HS6ST3: variants seen among roughly 807,000 people sequenced by gnomAD.
HS6ST3 encodes heparan sulfate 6-O-sulfotransferase 3, also known as heparan-sulfate 6-O-sulfotransferase 3.
A neutral mutation model predicts 36.7 loss-of-function variants in HS6ST3; 12 were observed. That is an observed-to-expected ratio of 0.33 (90% CI 0.21 to 0.53). The LOEUF (loss-of-function observed/expected upper bound fraction) is 0.53. HS6ST3 is among the 20% of genes least tolerant of loss of function. The pLI, the probability that HS6ST3 is intolerant of heterozygous loss-of-function variation, is 0.95. For missense variants in HS6ST3, 584 were observed against 640.9 expected, an observed-to-expected ratio of 0.91 and a Z score of 0.96; for synonymous variants, 240 against 257.5, an observed-to-expected ratio of 0.93 and a Z score of 0.65.
At chr13:96,660,906 G>C (rs942067487) in intron 1 of HS6ST3, among the ~76,000 whole-genome samples, 8 of 152,244 alleles carry the variant, frequency 5.3e-5, no homozygotes, top group Non-Finnish European at 8.8e-5. Context: ...GCTAGAACAA[G>C]CAGGTAGAAG....
chr13:96,806,923 G>C (rs1031670578), intron 1 of HS6ST3, among the ~76,000 whole-genome samples: 1 of 151,962 alleles, frequency 6.6e-6, no homozygotes, highest in Non-Finnish European at 1.5e-5. Flanking sequence ...CTCTTTTATG[G>C]CCTTCCCCCC....
intron 1 of HS6ST3, among the ~76,000 whole-genome samples, chr13:96,132,551 G>A (rs1031836106): frequency 2.6e-5 from 4 of 151,974 alleles, no homozygotes; most frequent in Admixed American, 2.0e-4. Flanking sequence ...GACCACAGGC[G>A]TATGCCACTA....
intron 1 of HS6ST3, among the ~76,000 whole-genome samples, chr13:96,592,659 A>C (rs1398928133): frequency 6.6e-6 from 1 of 152,120 alleles, no homozygotes; most frequent in Non-Finnish European, 1.5e-5. Flanking sequence ...TGATCTGGGA[A>C]AGTATTTCTC....
chr13:96,746,498 G>C (rs1276601239), intron 1 of HS6ST3, among the ~76,000 whole-genome samples: 1 of 152,082 alleles, frequency 6.6e-6, no homozygotes, highest in African/African-American at 2.4e-5. Context: ...AGATTAGCTA[G>C]TTCAATGCTT....
chr13:96,759,838 T>C (rs1271154387), intron 1 of HS6ST3, among the ~76,000 whole-genome samples: 1 of 152,026 alleles, frequency 6.6e-6, no homozygotes, highest in Non-Finnish European at 1.5e-5. Flanking sequence ...TTACCAACCA[T>C]GGATGTGAAG....
chr13:96,751,059 A>T (rs1876688262), intron 1 of HS6ST3, among the ~76,000 whole-genome samples: 1 of 152,092 alleles, frequency 6.6e-6, no homozygotes, highest in African/African-American at 2.4e-5. Context: ...AGAGAATCAC[A>T]CTTTTTTTTA....
intron 1 of HS6ST3, among the ~76,000 whole-genome samples, chr13:96,768,340 G>T (rs1877172677): frequency 6.6e-6 from 1 of 152,136 alleles, no homozygotes; most frequent in Non-Finnish European, 1.5e-5. Flanking sequence ...TCAGCTAGTT[G>T]ACCGTGCAGA....
At chr13:96,563,316 A>G (rs1022929266) in intron 1 of HS6ST3, among the ~76,000 whole-genome samples, 4 of 152,182 alleles carry the variant, frequency 2.6e-5, no homozygotes, top group African/African-American at 7.2e-5. Context: ...TAAACTTAAA[A>G]AGAAATCAAA....
chr13:96,820,474 G>GT (rs1224477992), intron 1 of HS6ST3, among the ~76,000 whole-genome samples: 14 of 152,222 alleles, frequency 9.2e-5, no homozygotes, highest in African/African-American at 3.1e-4. Flanking sequence ...GAACGTTGAA[G>GT]TGCGGAGTGT....
At chr13:96,218,026 C>T (rs2054435844) in intron 1 of HS6ST3, among the ~76,000 whole-genome samples, 1 of 151,898 alleles carries the variant, frequency 6.6e-6, no homozygotes, top group Non-Finnish European at 1.5e-5. Flanking sequence ...GAGTCCAGGT[C>T]CCAATAAGAA....
At chr13:96,765,295 A>G (rs1298362630) in intron 1 of HS6ST3, among the ~76,000 whole-genome samples, 1 of 151,634 alleles carries the variant, frequency 6.6e-6, no homozygotes, top group Non-Finnish European at 1.5e-5. Flanking sequence ...GGTGGTCTCG[A>G]TCTCCTGACC....
chr13:96,478,580 TC>T (rs2055875349), intron 1 of HS6ST3, among the ~76,000 whole-genome samples: 2 of 152,216 alleles, frequency 1.3e-5, no homozygotes, highest in South Asian at 4.1e-4. Flanking sequence ...TCCAGGTGTT[TC>T]CATTGCTGCC....
At chr13:96,423,293 A>G (rs141809642) in intron 1 of HS6ST3, among the ~76,000 whole-genome samples, 1 of 152,148 alleles carries the variant, frequency 6.6e-6, no homozygotes, top group Non-Finnish European at 1.5e-5. Context: ...GAGAATTCCC[A>G]TGATGTGCCT....
chr13:96,700,337 C>T lies in HS6ST3; in HGVS notation c.708-132153C>T, dbSNP rs952911300. ...TGAGACTTATTCACTACCACGAGAA[C>T]AGCATGGGGGAAACCGCCCCCATGA... On this transcript the variant is annotated intron_variant, in intron 1 of 1. Coordinates refer to ENST00000376705, the MANE Select transcript of HS6ST3 (RefSeq NM_153456.4). 2.0e-5 allele frequency among the ~76,000 whole-genome samples: 3 copies of T among 152,190 alleles called. 1 individual carries two copies. The South Asian group carries it at 6.2e-4, about 32-fold the overall frequency.
intron 1 of HS6ST3, among the ~76,000 whole-genome samples, chr13:96,351,396 A>G (rs1442837530): frequency 6.7e-6 from 1 of 149,710 alleles, no homozygotes; most frequent in East Asian, 2.0e-4. Context: ...ATCATGGCTT[A>G]CTGCAGCCTT....
intron 1 of HS6ST3, among the ~76,000 whole-genome samples, chr13:96,527,305 T>G (rs1243110822): frequency 1.3e-5 from 2 of 152,166 alleles, no homozygotes; most frequent in Non-Finnish European, 2.9e-5. Flanking sequence ...CTTTATTCAT[T>G]TAAAAATAGC....
At chr13:96,339,292 G>A (rs897812500) in intron 1 of HS6ST3, among the ~76,000 whole-genome samples, 7 of 152,134 alleles carry the variant, frequency 4.6e-5, no homozygotes, top group African/African-American at 7.2e-5. Flanking sequence ...GCCTAAAATC[G>A]TTGTTGGTTG....
rs2055269612 is a variant in HS6ST3 at position 96,367,616 on chromosome 13, G to T, written c.707+276047G>T. ...GTTCCACTTCTTAGATGTTAACAAT[G>T]ATGGAAGTGAAAGGGATGTAAATGA... On this transcript the variant is annotated intron_variant, in intron 1 of 1. Transcript: ENST00000376705. 2.6e-5 allele frequency among the ~76,000 whole-genome samples: 4 copies of T among 152,162 alleles called. No individual in the cohort carries two copies. In the South Asian group the frequency reaches 6.2e-4, roughly 24 times the overall value.
intron 1 of HS6ST3, among the ~76,000 whole-genome samples, chr13:96,503,755 C>T (rs1019042425): frequency 3.3e-5 from 5 of 152,190 alleles, no homozygotes; most frequent in African/African-American, 1.2e-4. Context: ...TCTATGAACA[C>T]ACTGAATTCC....
Sources: allele counts gnomAD v4.1 joint callset (sites outside exome capture counted in the v4.1 genomes callset), GRCh38; gene constraint gnomAD v4.1.1; transcripts MANE v1.5; gene names NCBI Gene and HGNC (gene_info 2026-07-23, HGNC 2026-07-21).